UNC13C: variants seen among roughly 807,000 people sequenced by gnomAD.
UNC13C encodes the protein unc-13 homolog C, also known as protein unc-13 homolog C.
Under a neutral mutation model 245.4 loss-of-function variants are expected in UNC13C, and 174 were observed. The ratio of observed to expected loss-of-function variants is 0.71; its 90% CI spans 0.63 to 0.80. The LOEUF (loss-of-function observed/expected upper bound fraction) is 0.80. Ranked by LOEUF, UNC13C falls within the 30% of genes least tolerant of loss-of-function variation. The pLI is 0.00. For missense variants in UNC13C, 2,829 were observed against 2,602.9 expected, an observed-to-expected ratio of 1.09 and a Z score of -1.89; for synonymous variants, 992 against 895.1, an observed-to-expected ratio of 1.11 and a Z score of -1.93.
chr15:53,903,105 T>C, the UNC13C span, among the ~76,000 whole-genome samples: 1 of 152,138 alleles, frequency 6.6e-6, no homozygotes, highest in South Asian at 2.1e-4. Flanking sequence ...AAACATATTC[T>C]CCAACACAGA....
At chr15:53,887,166 A>G in the UNC13C span, among the ~76,000 whole-genome samples, 1 of 152,162 alleles carries the variant, frequency 6.6e-6, no homozygotes, top group Non-Finnish European at 1.5e-5. Flanking sequence ...AAAATGTAAT[A>G]ATGTTTGTGT....
upstream of UNC13C, among the ~76,000 whole-genome samples, chr15:53,975,235 A>C (rs764241075): frequency 6.6e-6 from 1 of 152,346 alleles, no homozygotes; most frequent in African/African-American, 2.4e-5. Flanking sequence ...CATGTAATCT[A>C]TGCTAGGCAC....
At chr15:54,358,942 G>C (rs963049747) in intron 17 of UNC13C, among the ~76,000 whole-genome samples, 3 of 152,028 alleles carry the variant, frequency 2.0e-5, no homozygotes, top group Admixed American at 2.0e-4. Flanking sequence ...TATGATGTTA[G>C]CTGTGGTTTG....
chr15:53,968,431 CACTT>C, the UNC13C span, among the ~76,000 whole-genome samples: 10 of 152,112 alleles, frequency 6.6e-5, no homozygotes, highest in African/African-American at 2.4e-4. Context: ...ATGTATCAAA[CACTT>C]ACAATGAGGA....
intron 4 of UNC13C, among the ~76,000 whole-genome samples, chr15:54,227,176 T>C (rs1317988398): frequency 2.0e-5 from 3 of 152,130 alleles, no homozygotes; most frequent in Admixed American, 6.5e-5. Flanking sequence ...CAGATCGTTC[T>C]TATTTCTGTT....
chr15:54,029,714 T>C (rs1756866708), intron 2 of UNC13C, among the ~76,000 whole-genome samples: 1 of 152,230 alleles, frequency 6.6e-6, no homozygotes, highest in Non-Finnish European at 1.5e-5. Flanking sequence ...GTGAGCACTT[T>C]GCATGCATTT....
chr15:54,073,628 A>G (rs1180474485), intron 2 of UNC13C, among the ~76,000 whole-genome samples: 1 of 151,948 alleles, frequency 6.6e-6, no homozygotes, highest in Non-Finnish European at 1.5e-5. Flanking sequence ...TGCTCTAATA[A>G]CCAGTGATGA....
intron 13 of UNC13C, among the ~76,000 whole-genome samples, chr15:54,301,071 T>C (rs550859680): frequency 6.6e-6 from 1 of 152,262 alleles, no homozygotes; most frequent in African/African-American, 2.4e-5. Flanking sequence ...TCCCCATAGT[T>C]TCCTTTTTGA....
chr15:54,267,840 C>T (rs531450724), intron 10 of UNC13C, among the ~76,000 whole-genome samples: 19 of 152,090 alleles, frequency 1.2e-4, no homozygotes, highest in Middle Eastern at 3.4e-3. Context: ...GTCATTATTT[C>T]TTTAAATATT....
chr15:54,052,414 C>A (rs1220487850), intron 2 of UNC13C, among the ~76,000 whole-genome samples: 4 of 150,856 alleles, frequency 2.7e-5, no homozygotes, highest in Admixed American at 1.3e-4. Context: ...CACATCCTCT[C>A]CAGCACCTGT....
chr15:54,507,323 A>T (rs764631153), intron 23 of UNC13C, 129 bp downstream of exon 23: 55 of 650,576 alleles, frequency 8.5e-5, no homozygotes, highest in Non-Finnish European at 1.2e-4. Flanking sequence ...GGATCTTAAG[A>T]AGCTGGAAAC....
intron 30 of UNC13C, among the ~76,000 whole-genome samples, chr15:54,589,714 T>C (rs1418068939): frequency 6.6e-6 from 1 of 152,088 alleles, no homozygotes; most frequent in Non-Finnish European, 1.5e-5. Context: ...ATTAGTCCTT[T>C]GTCAGAAGTA....
intron 2 of UNC13C, among the ~76,000 whole-genome samples, chr15:54,086,776 C>CCCAG (rs1899268320): frequency 8.5e-6 from 1 of 118,322 alleles, no homozygotes; most frequent in Non-Finnish European, 1.7e-5. Context: ...CTCACAGTCG[C>CCCAG]CCAGGCTGGA....
chr15:53,884,200 T>G, the UNC13C span, among the ~76,000 whole-genome samples: 1 of 152,146 alleles, frequency 6.6e-6, no homozygotes, highest in South Asian at 2.1e-4. Flanking sequence ...AATGGGAAAC[T>G]GTGGAGCAGG....
At chr15:54,533,452 T>A (rs1359380133) in intron 26 of UNC13C, among the ~76,000 whole-genome samples, 1 of 152,188 alleles carries the variant, frequency 6.6e-6, no homozygotes, top group Non-Finnish European at 1.5e-5. Flanking sequence ...AGAAACCTGA[T>A]GAAAAAGAGA....
intron 24 of UNC13C, among the ~76,000 whole-genome samples, chr15:54,519,831 T>C (rs1461457820): frequency 2.0e-5 from 3 of 152,182 alleles, no homozygotes; most frequent in Non-Finnish European, 4.4e-5. Context: ...ATTTAGGGCA[T>C]TTCCAGGAAA....
At chr15:54,257,177 T>C (rs746809630) in intron 8 of UNC13C, among the ~76,000 whole-genome samples, 2 of 152,250 alleles carry the variant, frequency 1.3e-5, no homozygotes, top group Non-Finnish European at 2.9e-5. Flanking sequence ...TTTATGAAAC[T>C]AAATGTGATA....
At chr15:54,105,396 G>A (rs908543125) in intron 2 of UNC13C, among the ~76,000 whole-genome samples, 2 of 152,006 alleles carry the variant, frequency 1.3e-5, no homozygotes, top group Non-Finnish European at 2.9e-5. Context: ...AGCCTGTCAG[G>A]GTTCTTCTGA....
chr15:54,449,628 G>T (rs1417553409), intron 19 of UNC13C, among the ~76,000 whole-genome samples: 1 of 152,126 alleles, frequency 6.6e-6, no homozygotes, highest in Non-Finnish European at 1.5e-5. Context: ...AGCTCCATCA[G>T]GTCCTTTAAG....
Sources: gnomAD v4.1 joint callset for allele counts (sites outside exome capture counted in the v4.1 genomes callset) on GRCh38, gnomAD v4.1.1 for gene constraint, MANE v1.5 for transcripts, NCBI Gene and HGNC (gene_info 2026-07-23, HGNC 2026-07-21) for gene names.